Variants in PTBP3 observed in about 807,000 individuals in gnomAD.
The protein encoded by PTBP3 is polypyrimidine tract-binding protein 3.
Under a neutral mutation model 58.7 loss-of-function variants are expected in PTBP3, and 20 were observed. That is an observed-to-expected ratio of 0.34 (90% CI 0.24 to 0.50). The LOEUF is 0.50. Among genes scored for constraint, PTBP3 ranks in the 20% least tolerant of loss-of-function variants. PTBP3 has a pLI of 0.98. For synonymous variants in PTBP3, 185 were observed against 219.8 expected, an observed-to-expected ratio of 0.84 and a Z score of 1.40; for missense variants, 509 against 637.2, an observed-to-expected ratio of 0.80 and a Z score of 2.17.
intron 5 of PTBP3, among the ~76,000 whole-genome samples, chr9:112,260,761 T>C (rs142665030): frequency 2.6e-4 from 39 of 151,762 alleles, no homozygotes; most frequent in Non-Finnish European, 5.2e-4. Flanking sequence ...TCATAAGGAG[T>C]TGGTTTTATT....
the PTBP3 span, among the ~76,000 whole-genome samples, chr9:112,371,673 A>G: frequency 8.6e-6 from 1 of 116,858 alleles, no homozygotes; most frequent in East Asian, 2.4e-4. Context: ...TTTTTTTACC[A>G]GATCCCACTG....
intron 2 of PTBP3, among the ~76,000 whole-genome samples, chr9:112,288,893 T>C (rs1215613657): frequency 1.3e-5 from 2 of 152,258 alleles, no homozygotes; most frequent in Admixed American, 6.5e-5. Context: ...TTTCTTGCTA[T>C]GAAAAGCCAA....
At chr9:112,244,189 C>T (rs1215898303) in intron 7 of PTBP3, among the ~76,000 whole-genome samples, 3 of 147,196 alleles carry the variant, frequency 2.0e-5, no homozygotes, top group Non-Finnish European at 4.5e-5. Context: ...CTTCGGGAGG[C>T]TGAGGCAAGA....
intron 2 of PTBP3, 70 bp downstream of exon 2, chr9:112,297,762 A>T: frequency 1.5e-6 from 2 of 1,300,420 alleles, no homozygotes; most frequent in Non-Finnish European, 2.1e-6. Flanking sequence ...TATAAGCAAA[A>T]TAAGAGCATT....
chr9:112,337,573 C>T (rs928247324), upstream of PTBP3, among the ~76,000 whole-genome samples: 4 of 152,190 alleles, frequency 2.6e-5, no homozygotes, highest in African/African-American at 9.6e-5. Context: ...TATATACTGG[C>T]TTCTTGATAG....
intron 2 of PTBP3, chr9:112,281,164 T>C (rs1827847966): frequency 5.9e-6 from 1 of 169,028 alleles, no homozygotes; most frequent in East Asian, 1.5e-4. Context: ...TAATGCATAA[T>C]CTCTATCATT....
At chr9:112,364,591 C>G in the PTBP3 span, among the ~76,000 whole-genome samples, 1 of 152,168 alleles carries the variant, frequency 6.6e-6, no homozygotes, top group South Asian at 2.1e-4. Flanking sequence ...TATGATCACG[C>G]CACTGTACTC....
chr9:112,290,233 T>C (rs904437589), intron 2 of PTBP3, among the ~76,000 whole-genome samples: 1 of 152,066 alleles, frequency 6.6e-6, no homozygotes, highest in African/African-American at 2.4e-5. Flanking sequence ...AATAGAAGAA[T>C]AGGCAAAAGA....
At chr9:112,379,764 C>A in the PTBP3 span, among the ~76,000 whole-genome samples, 1 of 152,198 alleles carries the variant, frequency 6.6e-6, no homozygotes, top group Non-Finnish European at 1.5e-5. Flanking sequence ...TCGGAGCCGG[C>A]GCTGGAACAC....
chr9:112,331,695 A>G (rs1270116964), intron 1 of PTBP3, among the ~76,000 whole-genome samples: 1 of 152,202 alleles, frequency 6.6e-6, no homozygotes, highest in Non-Finnish European at 1.5e-5. Context: ...TTCCAAATGA[A>G]CTTACCTTCC....
chr9:112,333,659 C>T (rs1830484597), upstream of PTBP3: 3 of 575,498 alleles, frequency 5.2e-6, no homozygotes, highest in Non-Finnish European at 8.5e-6. Flanking sequence ...CCGCCACCGC[C>T]GCGCCCCCGC....
At chr9:112,284,738 A>C (rs1194560429) in intron 2 of PTBP3, among the ~76,000 whole-genome samples, 1 of 151,992 alleles carries the variant, frequency 6.6e-6, no homozygotes, top group African/African-American at 2.4e-5. Context: ...ACAACAACAA[A>C]AACAAGATTT....
chr9:112,333,854 C>G (rs923647488), upstream of PTBP3, among the ~76,000 whole-genome samples: 18 of 150,132 alleles, frequency 1.2e-4, no homozygotes, highest in African/African-American at 4.1e-4. Flanking sequence ...GGCCCCTCGG[C>G]CCGGCGCGCG....
chr9:112,282,164 G>C (rs974319659), intron 2 of PTBP3, among the ~76,000 whole-genome samples: 3 of 151,980 alleles, frequency 2.0e-5, no homozygotes, highest in African/African-American at 7.3e-5. Flanking sequence ...AGCGAGTTAG[G>C]GCTTCAACAT....
the PTBP3 span, among the ~76,000 whole-genome samples, chr9:112,361,653 T>A: frequency 6.6e-6 from 1 of 152,248 alleles, no homozygotes; most frequent in African/African-American, 2.4e-5. Flanking sequence ...AATTAACATT[T>A]TGTGGCATTA....
At chr9:112,256,272 A>AATATATATACATATATAT (rs1260010370) in intron 5 of PTBP3, among the ~76,000 whole-genome samples, 59 of 82,840 alleles carry the variant, frequency 7.1e-4, no homozygotes, top group African/African-American at 3.7e-3. Context: ...AAAAAAACAA[A>AATATATATACATATATAT]ATATATATAT....
At chr9:112,321,912 G>A (rs1156326703) in intron 1 of PTBP3, among the ~76,000 whole-genome samples, 1 of 152,040 alleles carries the variant, frequency 6.6e-6, no homozygotes, top group Non-Finnish European at 1.5e-5. Flanking sequence ...AAGGCGGGCG[G>A]ATCACAAGGC....
At position 112,254,339 on chromosome 9, in the gene PTBP3, G is replaced by C. The variant is rs562054393; in HGVS notation, c.517-1551C>G. On this transcript the variant is annotated intron_variant, in intron 5 of 13. Coordinates refer to ENST00000374257, the MANE Select transcript of PTBP3 (RefSeq NM_001163788.4). ...CAAGAATAACTATCCTTCCCTGGTA[G>C]TCTAGTGGTTAAAAAAACATGAAAG... Among the ~76,000 whole-genome samples the C allele has an allele frequency of 2.4e-3, 368 of 152,196 alleles. 2 individuals carry two copies. Among genetic ancestry groups the C allele is most frequent in the African/African-American group, 8.4e-3 (348 of 41,516 alleles).
chr9:112,309,862 C>G (rs1415798569), intron 1 of PTBP3, among the ~76,000 whole-genome samples: 1 of 151,962 alleles, frequency 6.6e-6, no homozygotes, highest in Non-Finnish European at 1.5e-5. Flanking sequence ...GGTCTGCATT[C>G]ATTGCGTGGC....
Sources: allele counts gnomAD v4.1 joint callset (sites outside exome capture counted in the v4.1 genomes callset), GRCh38; gene constraint gnomAD v4.1.1; transcripts MANE v1.5; gene names NCBI Gene and HGNC (gene_info 2026-07-23, HGNC 2026-07-21).